Variants in DECR1 observed in about 807,000 individuals in gnomAD.
DECR1 encodes 2,4-dienoyl-CoA reductase [(3E)-enoyl-CoA-producing], mitochondrial.
A neutral mutation model predicts 38.8 loss-of-function variants in DECR1; 44 were observed. The observed-to-expected ratio is 1.13, with a 90% CI of 0.89 to 1.46. The LOEUF (loss-of-function observed/expected upper bound fraction) is 1.46, where lower values mean the gene tolerates loss of function less well. DECR1 is among the 40% of genes most tolerant of loss of function. DECR1 has a pLI of 0.00. For missense variants in DECR1, 428 were observed against 405.5 expected (o/e 1.06, Z -0.48); for synonymous variants, 148 against 135.2 (o/e 1.09, Z -0.66).
chr8:90,014,758 A>C (rs543530963), intron 1 of DECR1, among the ~76,000 whole-genome samples: 1 of 152,198 alleles, frequency 6.6e-6, no homozygotes. Flanking sequence ...AATTATGGGA[A>C]AGCCTTCAGA....
chr8:90,032,274 C>T (rs1813515720), intron 5 of DECR1, among the ~76,000 whole-genome samples: 1 of 152,126 alleles, frequency 6.6e-6, no homozygotes, highest in Non-Finnish European at 1.5e-5. Context: ...CTAGGGACCT[C>T]TCTCTGATCC....
At chr8:90,020,528 A>G (rs1813127272) in intron 4 of DECR1, among the ~76,000 whole-genome samples, 1 of 152,150 alleles carries the variant, frequency 6.6e-6, no homozygotes. Flanking sequence ...AGCTGGGAAT[A>G]CAGGCACGTG....
At chr8:90,011,492 A>AT (rs1171899236) in intron 1 of DECR1, among the ~76,000 whole-genome samples, 2 of 152,188 alleles carry the variant, frequency 1.3e-5, no homozygotes, top group East Asian at 3.8e-4. Context: ...CAAAAAGCTG[A>AT]TTAGGATTTT....
intron 1 of DECR1, among the ~76,000 whole-genome samples, chr8:90,007,368 A>C (rs1270978873): frequency 2.0e-5 from 3 of 152,188 alleles, no homozygotes; most frequent in Non-Finnish European, 2.9e-5. Context: ...TCCTCGGAAG[A>C]TCAGTTAAAA....
At position 90,019,158 on chromosome 8, in the gene DECR1, G is replaced by T. The variant is rs767142452; in HGVS notation, c.403G>T (p.Ala135Ser). 9 of 1,613,934 alleles carry T rather than the reference G, an allele frequency of 5.6e-6. No homozygotes were observed. The highest frequency in any genetic ancestry group is 7.6e-6 in the Non-Finnish European group (9 of 1,179,920). Residue 135 changes from alanine to serine, a missense_variant, in exon 4 of 10, where the codon GCA (alanine) becomes TCA (serine). Ala to Ser is a moderately conservative substitution (Grantham distance 99). Transcript: ENST00000220764. Reference sequence around the variant, plus strand: ...CACTGTGTCAGAACTGATCAAAGTTGCAGGACATCCTAATGTAAGTGTAGC... The same window carrying T: ...CACTGTGTCAGAACTGATCAAAGTTTCAGGACATCCTAATGTAAGTGTAGC... ...QNTVSELIKV[A>S]GHPNIVINNA...
At chr8:90,030,163 A>G (rs1484297966) in intron 5 of DECR1, among the ~76,000 whole-genome samples, 1 of 152,154 alleles carries the variant, frequency 6.6e-6, no homozygotes, top group Admixed American at 6.6e-5. Context: ...CTCCTATGAT[A>G]ACCTAATGTC....
At chr8:90,029,996 C>A (rs1173868315) in intron 5 of DECR1, among the ~76,000 whole-genome samples, 9 of 152,156 alleles carry the variant, frequency 5.9e-5, no homozygotes, top group Middle Eastern at 3.4e-3. Flanking sequence ...GCACCAGGGA[C>A]CATTTTCGTG....
At chr8:90,038,187 C>T (rs1258959172) in intron 6 of DECR1, among the ~76,000 whole-genome samples, 1 of 152,124 alleles carries the variant, frequency 6.6e-6, no homozygotes, top group Non-Finnish European at 1.5e-5. Flanking sequence ...TATTTCCATG[C>T]TTTAATTTCC....
At chr8:90,023,717 A>G (rs1217942353) in intron 5 of DECR1, among the ~76,000 whole-genome samples, 16 of 151,622 alleles carry the variant, frequency 1.1e-4, no homozygotes, top group Admixed American at 1.1e-3. Flanking sequence ...GTTTGCTGAT[A>G]GCTTTTTTTT....
intron 1 of DECR1, among the ~76,000 whole-genome samples, chr8:90,013,966 A>G (rs560060679): frequency 6.6e-6 from 1 of 152,100 alleles, no homozygotes; most frequent in Non-Finnish European, 1.5e-5. Context: ...TGTTTATATG[A>G]TGTAGGAGAG....
chr8:90,026,670 C>T (rs908946284), intron 5 of DECR1, among the ~76,000 whole-genome samples: 7 of 151,958 alleles, frequency 4.6e-5, no homozygotes, highest in Admixed American at 2.0e-4. Flanking sequence ...TTTCCAAAAA[C>T]GAGCTCCTGG....
intron 4 of DECR1, among the ~76,000 whole-genome samples, chr8:90,020,011 C>T (rs895093469): frequency 1.3e-5 from 2 of 152,182 alleles, no homozygotes; most frequent in Non-Finnish European, 1.5e-5. Flanking sequence ...TTGTCTTCCT[C>T]AGTGGAGGAG....
At chr8:90,002,760 C>T (rs545290894) in intron 1 of DECR1, among the ~76,000 whole-genome samples, 3 of 152,188 alleles carry the variant, frequency 2.0e-5, no homozygotes, top group South Asian at 4.2e-4. Flanking sequence ...GAGATTTGTT[C>T]AGGGTTAGGG....
rs763635224 is a variant in DECR1 at position 90,001,513 on chromosome 8, T to C, written c.21T>C (p.Val7=). The C allele has an allele frequency of 6.2e-7, 1 of 1,614,026 alleles. No individual in the cohort carries two copies. Among genetic ancestry groups the C allele is most frequent in the Admixed American group, 1.7e-5 (1 of 60,032 alleles). MKLPAR[V]FFTLGSRLPC... ...TCAACATGAAGCTACCGGCCAGGGT[T>C]TTCTTTACTCTGGGGTCCCGGCTGC... Residue 7 remains valine, a synonymous_variant, in exon 1 of 10, where the codon GTT becomes GTC. Transcript: ENST00000220764.
chr8:90,020,978 AC>A lies in DECR1; in HGVS notation c.489del (p.Ile164Ter). The A allele has an allele frequency of 6.3e-7, 1 of 1,596,570 alleles. No individual in the cohort carries two copies. ...AAGACTTTCTCCTAATGCTTGGAAA[AC>A]CATAACTGACATAGTTCTAAATGGC... The part of the protein sequence containing the change: ...TERLSPNAWK[T>X]ITDIVLNGTA... On this transcript the variant is annotated frameshift_variant, in exon 5 of 10. Transcript: ENST00000220764. LOFTEE classifies it high-confidence loss of function.
At chr8:90,016,637 CAAAA>C (rs1239038723) in intron 1 of DECR1, 1 of 158,736 alleles carries the variant, frequency 6.3e-6, no homozygotes, top group Non-Finnish European at 1.4e-5. Context: ...GACTCCATCT[CAAAA>C]AAACAAACAA....
At chr8:90,008,234 A>G (rs1040193911) in intron 1 of DECR1, among the ~76,000 whole-genome samples, 3 of 152,216 alleles carry the variant, frequency 2.0e-5, no homozygotes, top group East Asian at 1.9e-4. Context: ...ATCACTCTGC[A>G]TGCAGCCACT....
chr8:90,031,060 G>A (rs189914739), intron 5 of DECR1, among the ~76,000 whole-genome samples: 1 of 152,158 alleles, frequency 6.6e-6, no homozygotes, highest in Non-Finnish European at 1.5e-5. Context: ...TCTTGGCAAG[G>A]CAGTAGTAGT....
At chr8:90,001,842 A>C (rs1181090993) in intron 1 of DECR1, among the ~76,000 whole-genome samples, 1 of 149,836 alleles carries the variant, frequency 6.7e-6, no homozygotes, top group African/African-American at 2.5e-5. Context: ...AGCACAGAGC[A>C]ACCCGGGGAG....
Sources: allele counts gnomAD v4.1 joint callset (sites outside exome capture counted in the v4.1 genomes callset), GRCh38; gene constraint gnomAD v4.1.1; transcripts MANE v1.5; gene names NCBI Gene and HGNC (gene_info 2026-07-23, HGNC 2026-07-21).